The following TENM2 variants were observed in gnomAD, a reference collection of about 807,000 sequenced individuals.
TENM2 encodes the protein teneurin-2.
A neutral mutation model predicts 245.2 loss-of-function variants in TENM2; 52 were observed. The ratio of observed to expected loss-of-function variants is 0.21; its 90% CI spans 0.17 to 0.27. The LOEUF is 0.27. Among genes scored for constraint, TENM2 ranks in the 10% least tolerant of loss-of-function variants. The pLI is 1.00. For synonymous variants in TENM2, 1,363 were observed against 1,438.9 expected (o/e 0.95, Z 1.19); for missense variants, 3,046 against 3,666.8 (o/e 0.83, Z 4.37).
At chr5:168,067,782 G>A (rs1033820466) in intron 7 of TENM2, among the ~76,000 whole-genome samples, 1 of 152,068 alleles carries the variant, frequency 6.6e-6, no homozygotes, top group East Asian at 1.9e-4. Context: ...AGTCACATAG[G>A]CTCCACTGGG....
chr5:167,845,224 T>A (rs1407478098), intron 2 of TENM2, among the ~76,000 whole-genome samples: 1 of 90,714 alleles, frequency 1.1e-5, no homozygotes, highest in Non-Finnish European at 2.2e-5. Context: ...TTCCCCCGAG[T>A]CCCCCCCTCC....
chr5:168,194,055 A>G (rs1274592417), intron 14 of TENM2, among the ~76,000 whole-genome samples: 2 of 152,174 alleles, frequency 1.3e-5, no homozygotes, highest in East Asian at 1.9e-4. Flanking sequence ...GGTTTTCAGG[A>G]CACCCAGGAA....
At chr5:167,493,138 C>T (rs1768547716) in intron 2 of TENM2, among the ~76,000 whole-genome samples, 1 of 151,864 alleles carries the variant, frequency 6.6e-6, no homozygotes, top group Non-Finnish European at 1.5e-5. Flanking sequence ...TTCAAGAAAC[C>T]TTTGGTGGCC....
At chr5:167,342,339 G>T (rs1290842353) in intron 1 of TENM2, among the ~76,000 whole-genome samples, 1 of 151,838 alleles carries the variant, frequency 6.6e-6, no homozygotes, top group Non-Finnish European at 1.5e-5. Flanking sequence ...TTTTTCTCTT[G>T]ATCAAAGTAG....
chr5:167,135,646 G>A, the TENM2 span, among the ~76,000 whole-genome samples: 3,502 of 152,032 alleles, frequency 0.023, 124 homozygotes, highest in African/African-American at 0.08. Context: ...TATGGGTGGC[G>A]CGCACCTGTA....
the TENM2 span, among the ~76,000 whole-genome samples, chr5:167,208,241 G>C: frequency 1.3e-5 from 2 of 152,180 alleles, no homozygotes; most frequent in African/African-American, 4.8e-5. Context: ...GGCATTTCAT[G>C]TTGTCTCTGA....
intron 2 of TENM2, among the ~76,000 whole-genome samples, chr5:167,429,779 A>T (rs1764101821): frequency 6.6e-6 from 1 of 151,724 alleles, no homozygotes; most frequent in Non-Finnish European, 1.5e-5. Flanking sequence ...GCTAATTTTT[A>T]TATTTTTAGT....
At chr5:167,531,507 A>G (rs1771498649) in intron 2 of TENM2, among the ~76,000 whole-genome samples, 1 of 151,708 alleles carries the variant, frequency 6.6e-6, no homozygotes, top group Non-Finnish European at 1.5e-5. Context: ...AACATTTAAG[A>G]TACTCTCTCA....
intron 25 of TENM2, chr5:168,230,806 G>C (rs910720103): frequency 6.6e-6 from 1 of 152,168 alleles, no homozygotes; most frequent in Admixed American, 6.5e-5. Flanking sequence ...ACTAGCTAAC[G>C]GTCTCATGGA....
chr5:167,062,485 T>C, the TENM2 span, among the ~76,000 whole-genome samples: 3 of 134,456 alleles, frequency 2.2e-5, no homozygotes, highest in African/African-American at 9.7e-5. Context: ...TAAGACTCCA[T>C]GTCCAAGAAT....
At chr5:167,500,012 G>A (rs1386017157) in intron 2 of TENM2, among the ~76,000 whole-genome samples, 1 of 148,810 alleles carries the variant, frequency 6.7e-6, no homozygotes, top group Non-Finnish European at 1.5e-5. Context: ...ATGTGTGTGT[G>A]TATGTGTATG....
the TENM2 span, among the ~76,000 whole-genome samples, chr5:167,253,895 G>A: frequency 2.4e-4 from 36 of 152,038 alleles, no homozygotes; most frequent in African/African-American, 8.5e-4. Context: ...TGAAGATTCT[G>A]CTACAACTAT....
At chr5:167,246,933 C>T in the TENM2 span, among the ~76,000 whole-genome samples, 1 of 151,970 alleles carries the variant, frequency 6.6e-6, no homozygotes, top group East Asian at 1.9e-4. Flanking sequence ...CCTCATCATT[C>T]ATTTTGACAA....
rs201087620 is a variant in TENM2 at position 167,878,177 on chromosome 5, G to C, written c.712+1982G>C. ...TGGACAGTGTATCAGATTGAAACTTGTTGATAGGGTATTTATGTCAGCTTT... is the reference window on the plus strand; with the variant it reads ...TGGACAGTGTATCAGATTGAAACTTCTTGATAGGGTATTTATGTCAGCTTT... On this transcript the variant is annotated intron_variant, in intron 3 of 28. Coordinates refer to ENST00000518659, the Ensembl canonical transcript of TENM2. 1.1e-4 allele frequency among the ~76,000 whole-genome samples: 17 copies of C among 152,290 alleles called. No individual in the cohort carries two copies. In the East Asian group the frequency reaches 3.1e-3, roughly 28 times the overall value.
chr5:168,127,486 C>A (rs1183211095), intron 12 of TENM2, among the ~76,000 whole-genome samples: 1 of 152,176 alleles, frequency 6.6e-6, no homozygotes, highest in Non-Finnish European at 1.5e-5. Flanking sequence ...TCCTCTGGTC[C>A]CATTTTATTC....
the TENM2 span, among the ~76,000 whole-genome samples, chr5:167,218,329 A>G: frequency 6.6e-6 from 1 of 152,152 alleles, no homozygotes; most frequent in Non-Finnish European, 1.5e-5. Flanking sequence ...TTGCTTGAGA[A>G]TTTAAAAGCT....
At chr5:167,584,546 G>A (rs554702718) in intron 2 of TENM2, among the ~76,000 whole-genome samples, 1 of 152,260 alleles carries the variant, frequency 6.6e-6, no homozygotes, top group South Asian at 2.1e-4. Context: ...AAAGGGAGAA[G>A]CCGGCTGAGG....
At chr5:167,104,361 G>A in the TENM2 span, among the ~76,000 whole-genome samples, 5 of 152,252 alleles carry the variant, frequency 3.3e-5, no homozygotes, top group South Asian at 2.1e-4. Flanking sequence ...TTCTCGAAGC[G>A]CTGTGCTGAG....
the TENM2 span, among the ~76,000 whole-genome samples, chr5:167,233,383 C>T: frequency 6.6e-6 from 1 of 151,998 alleles, no homozygotes; most frequent in African/African-American, 2.4e-5. Flanking sequence ...AGCTCAGTGT[C>T]TAAAACTATC....
Sources: gnomAD v4.1 joint callset for allele counts (sites outside exome capture counted in the v4.1 genomes callset) on GRCh38, gnomAD v4.1.1 for gene constraint, MANE v1.5 for transcripts, NCBI Gene and HGNC (gene_info 2026-07-23, HGNC 2026-07-21) for gene names.